The following RIF1 variants were observed in gnomAD, a reference collection of about 807,000 sequenced individuals.
RIF1 encodes the protein replication timing regulatory factor 1, also known as telomere-associated protein RIF1.
In RIF1, 45 loss-of-function variants were observed where a neutral mutation model predicts 247.1. The ratio of observed to expected loss-of-function variants is 0.18; its 90% confidence interval spans 0.14 to 0.23. The LOEUF (loss-of-function observed/expected upper bound fraction) is 0.23. Among genes scored for constraint, RIF1 ranks in the 10% least tolerant of loss-of-function variants. The pLI is 1.00. For missense variants in RIF1, 2,967 were observed against 2,862.5 expected (o/e 1.04, Z -0.83); for synonymous variants, 1,087 against 978.8 (o/e 1.11, Z -2.06).
chr2:151,496,539 A>G (rs990612691), intron 10 of RIF1, among the ~76,000 whole-genome samples: 5 of 152,184 alleles, frequency 3.3e-5, no homozygotes, highest in Non-Finnish European at 4.4e-5. Context: ...TGTTGTTGGG[A>G]TGGGGAATCT....
intron 9 of RIF1, chr2:151,490,589 T>C: frequency 6.6e-7 from 1 of 1,522,754 alleles, no homozygotes; most frequent in Non-Finnish European, 9.0e-7. Flanking sequence ...TAACAGTGAT[T>C]GAATCTCAGT....
exon 14 of RIF1, chr2:151,507,932 G>A: frequency 9.4e-7 from 1 of 1,062,286 alleles, no homozygotes. Context: ...TGCAAGCCTG[G>A]GATATCCAGA....
chr2:151,430,668 T>C (rs1229735267), intron 9 of RIF1, among the ~76,000 whole-genome samples: 2 of 151,426 alleles, frequency 1.3e-5, no homozygotes, highest in Non-Finnish European at 2.9e-5. Flanking sequence ...GGGCATAGTT[T>C]CCCCCCCTCC....
chr2:151,447,185 C>T lies in RIF1; in HGVS notation c.2244+610C>T, dbSNP rs908227902. ...GTCTCGATCTCCTGACCTCGTGATC[C>T]GCCCGCCTCGGCCTCCCAAAGTGCT... On this transcript the variant is annotated intron_variant, in intron 20 of 35. Transcript: ENST00000444746. Among the ~76,000 whole-genome samples, 11 of 152,158 alleles carry T rather than the reference C, an allele frequency of 7.2e-5. No homozygotes were observed. The East Asian group carries it at 7.8e-4, about 11-fold the overall frequency.
Position 151,488,436 on chromosome 2 carries a change from T to C in RIF1, c.*415+5101T>C, listed in dbSNP as rs149298863. 2.3e-3 allele frequency among the ~76,000 whole-genome samples: 340 copies of C among 146,856 alleles called. 7 individuals carry two copies. The East Asian group carries it at 0.045, about 19-fold the overall frequency. Reference sequence around the variant, plus strand: ...CCAAAGCAGGCAGAGGGCTTGAGCCTAGGGGTTTGAGACCAGCCTGGGCAA... The same window carrying C: ...CCAAAGCAGGCAGAGGGCTTGAGCCCAGGGGTTTGAGACCAGCCTGGGCAA... On this transcript the variant is annotated intron_variant and NMD_transcript_variant, in intron 9 of 13. Transcript: ENST00000454583.
At chr2:151,460,881 G>A (rs11690396) in intron 26 of RIF1, among the ~76,000 whole-genome samples, 4,539 of 152,150 alleles carry the variant, frequency 0.03, 122 homozygotes, top group East Asian at 0.14. Context: ...CCTGACAGAC[G>A]GTTTTGTCCA....
At chr2:151,487,646 C>T (rs1394182114) in intron 9 of RIF1, among the ~76,000 whole-genome samples, 1 of 152,088 alleles carries the variant, frequency 6.6e-6, no homozygotes, top group African/African-American at 2.4e-5. Context: ...TTTTTTCTTA[C>T]ACTATAATGA....
Position 151,463,687 on chromosome 2 carries a change from C to G in RIF1, c.4167C>G (p.Pro1389=). 1 of 1,613,730 alleles carries G rather than the reference C, an allele frequency of 6.2e-7. No homozygotes were observed. The highest frequency in any genetic ancestry group is 1.1e-5 in the South Asian group (1 of 91,060). ...ATTTGGAATCCAAAGAGAATACACC[C>G]CCAGTAGTAATATCAGCAGATCAAA... ...EINLESKENT[P]PVVISADQMV... Residue 1389 remains proline (P), a synonymous_variant, in exon 30 of 36, where the codon CCC becomes CCG. Coordinates refer to ENST00000444746, the MANE Select transcript of RIF1 (RefSeq NM_018151.5).
intron 9 of RIF1, among the ~76,000 whole-genome samples, chr2:151,430,856 G>A (rs1194852573): frequency 1.3e-5 from 2 of 152,068 alleles, no homozygotes; most frequent in East Asian, 3.9e-4. Context: ...ATTTGACCAC[G>A]TTGCCCGGGC....
intron 9 of RIF1, among the ~76,000 whole-genome samples, chr2:151,431,023 T>C (rs971184634): frequency 2.0e-5 from 3 of 152,204 alleles, no homozygotes; most frequent in Non-Finnish European, 2.9e-5. Context: ...TGGGTCTAAC[T>C]GTAAACCCAG....
At chr2:151,497,314 C>T (rs2060890941) in intron 10 of RIF1, 4 of 978,262 alleles carry the variant, frequency 4.1e-6, no homozygotes, top group Non-Finnish European at 4.9e-6. Flanking sequence ...AGTACCATGC[C>T]TCCTAAACAA....
At position 151,458,908 on chromosome 2, in the gene RIF1, G is replaced by C. The variant is rs775584620; in HGVS notation, c.2953G>C (p.Gly985Arg). The change falls in exon 25 of 36, where the codon GGA becomes CGA. Residue 985 changes from glycine to arginine, a missense_variant and splice_region_variant. By Grantham distance (125) the Gly-to-Arg change is moderately radical. Coordinates refer to ENST00000444746, the MANE Select transcript of RIF1 (RefSeq NM_018151.5). ...GGAATCCAGTGGACCATATTCTGAT[G>C]GAGTAAGTTGGGGGGTTTTATTGTT... Reference protein sequence around the residue: ...MEESSGPYSDGTENSQLNVKI... With the variant: ...MEESSGPYSDRTENSQLNVKI... 1 of 1,563,984 alleles carries C rather than the reference G, an allele frequency of 6.4e-7. No individual in the cohort carries two copies. The highest frequency in any genetic ancestry group is 1.7e-5 in the Admixed American group (1 of 57,572).
intron 10 of RIF1, 64 bp downstream of exon 10, chr2:151,433,292 C>G (rs757975600): frequency 4.8e-5 from 62 of 1,295,826 alleles, no homozygotes; most frequent in Non-Finnish European, 6.3e-5. Flanking sequence ...AAATTCTTAC[C>G]AATGTAATCC....
chr2:151,486,759 C>T (rs968884332), downstream of RIF1: 1 of 152,098 alleles, frequency 6.6e-6, no homozygotes, highest in Non-Finnish European at 1.5e-5. Flanking sequence ...GCACCAAGGT[C>T]AGTATATTGT....
chr2:151,527,731 A>G, the RIF1 span: 1 of 638,562 alleles, frequency 1.6e-6, no homozygotes, highest in Non-Finnish European at 2.7e-6. Flanking sequence ...AAATTTCTGT[A>G]CAATTTATGC....
intron 24 of RIF1, 28 bp downstream of exon 24, chr2:151,457,991 A>G: frequency 6.7e-7 from 1 of 1,482,978 alleles, no homozygotes; most frequent in Non-Finnish European, 9.4e-7. Flanking sequence ...CTTATATACA[A>G]CTAACTATTC....
the RIF1 span, among the ~76,000 whole-genome samples, chr2:151,526,543 T>C: frequency 1.3e-5 from 2 of 152,128 alleles, no homozygotes; most frequent in African/African-American, 4.8e-5. Flanking sequence ...CCATAAGCCC[T>C]CCATGAGCCC....
chr2:151,444,763 A>G (rs1187441675), intron 18 of RIF1, among the ~76,000 whole-genome samples: 1 of 152,234 alleles, frequency 6.6e-6, no homozygotes, highest in Non-Finnish European at 1.5e-5. Flanking sequence ...TATGTATAGT[A>G]GAAGACTTTG....
intron 35 of RIF1, 53 bp from the exon 36 acceptor site, chr2:151,474,804 A>T (rs2152551964): frequency 2.8e-6 from 3 of 1,056,140 alleles, no homozygotes; most frequent in Admixed American, 4.5e-5. Flanking sequence ...CATGTAAAAA[A>T]TTTAATTTTT....
Sources: gnomAD v4.1 joint callset for allele counts (sites outside exome capture counted in the v4.1 genomes callset) on GRCh38, gnomAD v4.1.1 for gene constraint, MANE v1.5 for transcripts, NCBI Gene and HGNC (gene_info 2026-07-23, HGNC 2026-07-21) for gene names.